Variants in ARK2C observed in about 807,000 individuals in gnomAD.
ARK2C encodes E3 ubiquitin-protein ligase ARK2C.
chr18:46,344,400 C>G, the ARK2C span, among the ~76,000 whole-genome samples: 451 of 149,054 alleles, frequency 3.0e-3, 3 homozygotes, highest in Non-Finnish European at 3.1e-3. Flanking sequence ...CAGCCTTCCT[C>G]CCCCATGCCA....
the ARK2C span, among the ~76,000 whole-genome samples, chr18:46,349,405 T>C: frequency 2.6e-5 from 4 of 152,220 alleles, 1 homozygote; most frequent in Non-Finnish European, 5.9e-5. Context: ...ATTCCATTCA[T>C]GAGCGCTTCA....
chr18:46,454,807 T>C, the ARK2C span, among the ~76,000 whole-genome samples: 8 of 152,244 alleles, frequency 5.3e-5, no homozygotes, highest in African/African-American at 1.7e-4. Context: ...GACTGTTTCA[T>C]GGCACAGTGT....
chr18:46,448,017 G>A, the ARK2C span, among the ~76,000 whole-genome samples: 4 of 150,530 alleles, frequency 2.7e-5, no homozygotes, highest in Admixed American at 1.3e-4. Context: ...CCTGTGCCCC[G>A]GCTTCCATAT....
the ARK2C span, among the ~76,000 whole-genome samples, chr18:46,370,645 C>A: frequency 1.3e-5 from 2 of 152,134 alleles, no homozygotes; most frequent in African/African-American, 4.8e-5. Context: ...GTGAGGCCTC[C>A]CCAGAATGCC....
chr18:46,401,385 C>T, the ARK2C span, among the ~76,000 whole-genome samples: 1 of 152,144 alleles, frequency 6.6e-6, no homozygotes, highest in Non-Finnish European at 1.5e-5. Context: ...TTTTCTTATG[C>T]AATTTTTCAA....
the ARK2C span, among the ~76,000 whole-genome samples, chr18:46,414,065 C>G: frequency 6.6e-6 from 1 of 152,178 alleles, no homozygotes; most frequent in Admixed American, 6.5e-5. Context: ...TTTCAAGGCA[C>G]CATCCCCCAG....
At chr18:46,334,252 C>T in the ARK2C span, 1 of 1,468,048 alleles carries the variant, frequency 6.8e-7, no homozygotes. This position sits in a 1 kb window ranked among gnomAD's most constrained non-coding sequence, Gnocchi z 4.4. Flanking sequence ...GCCGCCGCCG[C>T]CGCCGCCGCG....
chr18:46,370,891 G>A, the ARK2C span, among the ~76,000 whole-genome samples: 3 of 152,170 alleles, frequency 2.0e-5, no homozygotes, highest in East Asian at 1.9e-4. Context: ...TCAGGTACAC[G>A]AAAAGGAGGA....
chr18:46,391,440 G>A, the ARK2C span, among the ~76,000 whole-genome samples: 10 of 152,132 alleles, frequency 6.6e-5, no homozygotes, highest in Non-Finnish European at 1.3e-4. Context: ...CAAGGGAAAG[G>A]ACACTACGGT....
At chr18:46,460,411 T>A in the ARK2C span, 1 of 152,500 alleles carries the variant, frequency 6.6e-6, no homozygotes, top group Non-Finnish European at 1.5e-5. Flanking sequence ...CATGGCACGT[T>A]GCTAGTTTAC....
the ARK2C span, among the ~76,000 whole-genome samples, chr18:46,423,837 G>A: frequency 6.6e-6 from 1 of 152,156 alleles, no homozygotes; most frequent in Non-Finnish European, 1.5e-5. Context: ...TTCTTTACTA[G>A]CTAATAACTT....
the ARK2C span, among the ~76,000 whole-genome samples, chr18:46,427,603 C>A: frequency 6.6e-6 from 1 of 152,256 alleles, no homozygotes; most frequent in African/African-American, 2.4e-5. Flanking sequence ...CTTTCCCGTT[C>A]CGTTTCAAAC....
the ARK2C span, among the ~76,000 whole-genome samples, chr18:46,359,197 G>A: frequency 3.9e-5 from 6 of 152,350 alleles, 1 homozygote; most frequent in South Asian, 2.1e-4. Flanking sequence ...GGCAATTTCT[G>A]CATGATGCCA....
chr18:46,447,778 C>T, the ARK2C span: 18 of 1,498,658 alleles, frequency 1.2e-5, no homozygotes, highest in Admixed American at 2.9e-4. Context: ...CTGGCTGCTA[C>T]ATGGCCTGGC....
the ARK2C span, among the ~76,000 whole-genome samples, chr18:46,391,003 G>A: frequency 6.6e-6 from 1 of 152,152 alleles, no homozygotes; most frequent in East Asian, 1.9e-4. Flanking sequence ...CAAATGAAAT[G>A]GAAATTCTGC....
chr18:46,458,741 C>T, the ARK2C span: 1 of 152,204 alleles, frequency 6.6e-6, no homozygotes, highest in South Asian at 2.1e-4. Context: ...TCTATAAAAT[C>T]TTTATTGAGT....
chr18:46,452,321 C>T, the ARK2C span, among the ~76,000 whole-genome samples: 1 of 152,088 alleles, frequency 6.6e-6, no homozygotes, highest in Non-Finnish European at 1.5e-5. Flanking sequence ...GCTCTGTTGC[C>T]CAGGCTGGAG....
chr18:46,391,988 C>G, the ARK2C span, among the ~76,000 whole-genome samples: 1 of 151,724 alleles, frequency 6.6e-6, no homozygotes, highest in Non-Finnish European at 1.5e-5. Context: ...ACACCACGTA[C>G]ACACATACCA....
chr18:46,393,824 G>A, the ARK2C span, among the ~76,000 whole-genome samples: 2 of 152,246 alleles, frequency 1.3e-5, no homozygotes, highest in Non-Finnish European at 1.5e-5. Flanking sequence ...TGCTCTGCTG[G>A]GCTCTGGAGT....
Sources: allele counts gnomAD v4.1 joint callset (sites outside exome capture counted in the v4.1 genomes callset), GRCh38; gene constraint gnomAD v4.1.1; non-coding constraint Gnocchi (gnomAD v3.1); transcripts MANE v1.5; gene names NCBI Gene and HGNC (gene_info 2026-07-23, HGNC 2026-07-21).